RBFOX1: variants seen among roughly 807,000 people sequenced by gnomAD.
The protein encoded by RBFOX1 is RNA binding fox-1 homolog 1, also known as RNA binding protein fox-1 homolog 1.
A neutral mutation model predicts 57.7 loss-of-function variants in RBFOX1; 8 were observed. That is an observed-to-expected ratio of 0.14 (90% CI 0.08 to 0.25). RBFOX1 has a LOEUF of 0.25. Ranked by LOEUF, RBFOX1 falls within the 10% of genes least tolerant of loss-of-function variation. The pLI, the probability that RBFOX1 is intolerant of heterozygous loss-of-function variation, is 1.00. For synonymous variants in RBFOX1, 326 were observed against 222.4 expected (o/e 1.47, Z -4.15); for missense variants, 611 against 548.5 (o/e 1.11, Z -1.14).
At chr16:6,740,538 C>T (rs1382841170) in intron 3 of RBFOX1, among the ~76,000 whole-genome samples, 2 of 152,184 alleles carry the variant, frequency 1.3e-5, no homozygotes, top group African/African-American at 4.8e-5. Flanking sequence ...AGTTAGCTCA[C>T]CAAAGTCACA....
intron 2 of RBFOX1, among the ~76,000 whole-genome samples, chr16:6,507,167 T>C (rs528827530): frequency 1.8e-4 from 27 of 152,312 alleles, no homozygotes; most frequent in Non-Finnish European, 2.6e-4. Flanking sequence ...ACTGCAGAGA[T>C]GGCTTCCTAG....
intron 2 of RBFOX1, among the ~76,000 whole-genome samples, chr16:6,383,671 G>A (rs1431080399): frequency 2.6e-5 from 4 of 152,102 alleles, no homozygotes; most frequent in Non-Finnish European, 5.9e-5. Flanking sequence ...TCGGGAGGCT[G>A]AGGCAGGAGA....
At chr16:7,681,738 A>T (rs78588367) in intron 14 of RBFOX1, among the ~76,000 whole-genome samples, 15,074 of 151,670 alleles carry the variant, frequency 0.099, 920 homozygotes, top group Middle Eastern at 0.17. Flanking sequence ...TTCCCATGGG[A>T]TAGGATATAG....
intron 1 of RBFOX1, among the ~76,000 whole-genome samples, chr16:5,361,379 A>G (rs1277820051): frequency 6.6e-6 from 1 of 152,210 alleles, no homozygotes; most frequent in African/African-American, 2.4e-5. Context: ...AAGAAGTGCT[A>G]AAACAGCACC....
intron 4 of RBFOX1, among the ~76,000 whole-genome samples, chr16:7,321,064 T>TATAC (rs1491274612): frequency 1.6e-5 from 1 of 61,370 alleles, no homozygotes; most frequent in African/African-American, 5.8e-5. Context: ...TCTATCTATC[T>TATAC]GTCTATCTAT....
intron 4 of RBFOX1, among the ~76,000 whole-genome samples, chr16:5,973,540 C>T (rs752143324): frequency 5.3e-5 from 8 of 152,122 alleles, no homozygotes; most frequent in Non-Finnish European, 7.3e-5. Context: ...GGACCAGTCT[C>T]GATTTATTAC....
chr16:6,206,801 G>A (rs1267904230), intron 1 of RBFOX1, among the ~76,000 whole-genome samples: 1 of 152,032 alleles, frequency 6.6e-6, no homozygotes, highest in East Asian at 1.9e-4. Flanking sequence ...TTAATGGTGG[G>A]TGATTTCAAC....
intron 1 of RBFOX1, among the ~76,000 whole-genome samples, chr16:5,345,568 A>T (rs1307918574): frequency 6.6e-6 from 1 of 152,174 alleles, no homozygotes; most frequent in African/African-American, 2.4e-5. Context: ...CCAACTGAGG[A>T]TTTCTGTTCA....
chr16:6,243,801 G>A (rs1485383675), intron 1 of RBFOX1, among the ~76,000 whole-genome samples: 1 of 152,166 alleles, frequency 6.6e-6, no homozygotes, highest in African/African-American at 2.4e-5. Flanking sequence ...GGAACTTAGA[G>A]TCGTCATGGC....
chr16:7,704,310 T>A (rs1050215039), intron 14 of RBFOX1, among the ~76,000 whole-genome samples: 5 of 152,218 alleles, frequency 3.3e-5, no homozygotes, highest in Admixed American at 6.5e-5. Context: ...TATCTTTGTT[T>A]AGTTTTTCCC....
At chr16:6,841,021 C>A (rs189794828) in intron 3 of RBFOX1, among the ~76,000 whole-genome samples, 1 of 152,134 alleles carries the variant, frequency 6.6e-6, no homozygotes, top group Admixed American at 6.5e-5. Context: ...TTGGGCTTAG[C>A]CTCCAGAATT....
chr16:6,867,503 G>C (rs1424930050), intron 3 of RBFOX1, among the ~76,000 whole-genome samples: 1 of 152,120 alleles, frequency 6.6e-6, no homozygotes, highest in Non-Finnish European at 1.5e-5. Context: ...CGGATCACTT[G>C]AGGTCAGGAG....
intron 4 of RBFOX1, among the ~76,000 whole-genome samples, chr16:5,939,826 C>T (rs1429505423): frequency 6.6e-6 from 1 of 152,118 alleles, no homozygotes; most frequent in Non-Finnish European, 1.5e-5. Flanking sequence ...CATACCCTGA[C>T]CATATGGACA....
rs145761791 is a variant in RBFOX1 at position 7,677,589 on chromosome 16, G to A, written c.995+751G>A. Among the ~76,000 whole-genome samples the A allele has an allele frequency of 6.3e-4, 96 of 152,284 alleles. 1 individual carries two copies. The highest frequency in any genetic ancestry group is 2.1e-3 in the African/African-American group (89 of 41,570). On this transcript the variant is annotated intron_variant, in intron 14 of 15. Transcript: ENST00000550418. The stretch of plus-strand genomic sequence containing the variant: ...GAGTTGGTTCCTGAAACAGCAAGCC[G>A]TAGCTACTTTTGTATGGTTGCCTTG...
chr16:5,731,183 T>A (rs538382071), intron 3 of RBFOX1, among the ~76,000 whole-genome samples: 1 of 151,828 alleles, frequency 6.6e-6, no homozygotes, highest in South Asian at 2.1e-4. Context: ...CCACTGCCTT[T>A]GTCACCAGTG....
intron 4 of RBFOX1, among the ~76,000 whole-genome samples, chr16:7,162,494 T>C (rs932788329): frequency 6.6e-6 from 1 of 150,708 alleles, no homozygotes; most frequent in Non-Finnish European, 1.5e-5. Flanking sequence ...CTTTGAGAGG[T>C]TGAGGGGGAT....
At chr16:6,069,844 G>C (rs2095814068) in intron 1 of RBFOX1, among the ~76,000 whole-genome samples, 1 of 151,924 alleles carries the variant, frequency 6.6e-6, no homozygotes, top group African/African-American at 2.4e-5. Flanking sequence ...ATAATTAGGC[G>C]AGTGTAGTGG....
intron 2 of RBFOX1, among the ~76,000 whole-genome samples, chr16:6,519,460 G>A (rs1185557974): frequency 6.6e-6 from 1 of 152,124 alleles, no homozygotes; most frequent in East Asian, 1.9e-4. Context: ...CAGCACTTTG[G>A]GAGGCCAACT....
chr16:5,484,912 A>G (rs949373459), intron 2 of RBFOX1, among the ~76,000 whole-genome samples: 4 of 151,448 alleles, frequency 2.6e-5, no homozygotes, highest in Non-Finnish European at 5.9e-5. Flanking sequence ...AAAAAAATTT[A>G]GCAGGGCATT....
Sources: gnomAD v4.1 joint callset for allele counts (sites outside exome capture counted in the v4.1 genomes callset) on GRCh38, gnomAD v4.1.1 for gene constraint, MANE v1.5 for transcripts, NCBI Gene and HGNC (gene_info 2026-07-23, HGNC 2026-07-21) for gene names.